Variants in PCDHA6 observed in about 807,000 individuals in gnomAD.
PCDHA6 encodes the protein protocadherin alpha-6.
PCDHA6 carries 55 observed loss-of-function variants against 60.3 expected under a neutral mutation model. That is an observed-to-expected ratio of 0.91 (90% CI 0.73 to 1.14). The LOEUF (loss-of-function observed/expected upper bound fraction) is 1.14. Among genes scored for constraint, PCDHA6 ranks in the 50% most tolerant of loss-of-function variants. The pLI, the probability that PCDHA6 is intolerant of heterozygous loss-of-function variation, is 0.00. For missense variants in PCDHA6, 1,327 were observed against 1,256.5 expected (o/e 1.06, Z -0.85); for synonymous variants, 652 against 557.9 (o/e 1.17, Z -2.38).
At chr5:140,834,764 C>T (rs2150225831) in intron 1 of PCDHA6, 2 of 1,614,098 alleles carry the variant, frequency 1.2e-6, no homozygotes, top group East Asian at 2.2e-5. Flanking sequence ...AGGACATTAA[C>T]GACAACCCTC....
intron 1 of PCDHA6, among the ~76,000 whole-genome samples, chr5:140,872,046 C>T (rs1554166008): frequency 6.6e-6 from 1 of 152,230 alleles, no homozygotes; most frequent in Non-Finnish European, 1.5e-5. Context: ...AGAATTCTCC[C>T]ACTTCAGCCT....
intron 1 of PCDHA6, chr5:140,850,272 A>C: frequency 6.3e-7 from 1 of 1,594,726 alleles, no homozygotes; most frequent in Non-Finnish European, 8.6e-7. Context: ...AGTGGTGGGG[A>C]AGGTGCGCGC....
chr5:140,907,114 G>A (rs1422379312), intron 1 of PCDHA6, among the ~76,000 whole-genome samples: 1 of 152,164 alleles, frequency 6.6e-6, no homozygotes, highest in Non-Finnish European at 1.5e-5. Context: ...TCCACCCCTT[G>A]ATTCCTGGAC....
chr5:140,986,195 A>G (rs1200850544), intron 3 of PCDHA6, among the ~76,000 whole-genome samples: 1 of 152,314 alleles, frequency 6.6e-6, no homozygotes, highest in Non-Finnish European at 1.5e-5. Context: ...TAAATTGGTT[A>G]ATCCTGATTA....
chr5:140,922,275 C>T (rs782815629), intron 1 of PCDHA6, among the ~76,000 whole-genome samples: 1 of 152,052 alleles, frequency 6.6e-6, no homozygotes, highest in Non-Finnish European at 1.5e-5. Context: ...AAGATTGGAC[C>T]AAGATATGAA....
chr5:140,982,943 A>G (rs2097017074), intron 3 of PCDHA6, among the ~76,000 whole-genome samples: 1 of 151,992 alleles, frequency 6.6e-6, no homozygotes, highest in Admixed American at 6.5e-5. Flanking sequence ...CTTTTGGTTG[A>G]AGACTATGGA....
chr5:140,968,124 G>A (rs202202452), intron 1 of PCDHA6: 59 of 1,614,008 alleles, frequency 3.7e-5, no homozygotes, highest in Non-Finnish European at 4.7e-5. Flanking sequence ...ACATCCCTGC[G>A]TACACTGAAG....
intron 1 of PCDHA6, among the ~76,000 whole-genome samples, chr5:140,890,741 A>G (rs1346321522): frequency 2.0e-5 from 3 of 152,132 alleles, no homozygotes; most frequent in African/African-American, 7.2e-5. Flanking sequence ...CTTATATACT[A>G]TTTCTGTCAT....
At chr5:140,870,660 G>A (rs782219391) in intron 1 of PCDHA6, 3 of 1,612,516 alleles carry the variant, frequency 1.9e-6, no homozygotes, top group Non-Finnish European at 2.5e-6. Context: ...TGTACGCGCT[G>A]CAGCCGTTGG....
intron 1 of PCDHA6, chr5:140,871,116 C>G (rs200344692): frequency 6.2e-7 from 1 of 1,613,264 alleles, no homozygotes; most frequent in East Asian, 2.2e-5. Flanking sequence ...TGGTGGAGAG[C>G]GGACAGGCGC....
chr5:140,841,809 G>T, intron 1 of PCDHA6: 1 of 1,613,904 alleles, frequency 6.2e-7, no homozygotes. Context: ...GCAGATGTTG[G>T]AGCTAACTCC....
chr5:140,979,434 A>G (rs1490433887), intron 2 of PCDHA6, among the ~76,000 whole-genome samples: 1 of 151,986 alleles, frequency 6.6e-6, no homozygotes, highest in South Asian at 2.1e-4. Context: ...CACATTGGCT[A>G]TTACATCCTA....
intron 1 of PCDHA6, among the ~76,000 whole-genome samples, chr5:140,844,861 A>G (rs1302890779): frequency 2.7e-5 from 4 of 149,288 alleles, no homozygotes; most frequent in African/African-American, 4.9e-5. Flanking sequence ...ACCTGCCTGG[A>G]TATTAAATAC....
Position 140,860,053 on chromosome 5 carries a change from C to T in PCDHA6, c.2394+29568C>T, listed in dbSNP as rs186329592. The T allele has an allele frequency of 6.0e-5, 9 of 150,766 alleles. No individual in the cohort carries two copies. In the East Asian group the frequency reaches 1.6e-3, roughly 26 times the overall value. 9.3% of individuals were successfully genotyped at this position (150,766 alleles called of 1,614,324 possible). A position where few individuals can be genotyped will look rare whatever the true frequency, so the allele number is the denominator to read the frequency against. ...CCTGTAATCCCAGCATTTTGAGAGGCCAAGGTGGGAGGATGGTTTGAGGCC... is the reference window on the plus strand; with the variant it reads ...CCTGTAATCCCAGCATTTTGAGAGGTCAAGGTGGGAGGATGGTTTGAGGCC... On this transcript the variant is annotated intron_variant, in intron 1 of 3. Transcript: ENST00000529310.
intron 1 of PCDHA6, among the ~76,000 whole-genome samples, chr5:140,940,877 T>G (rs2092697297): frequency 2.0e-5 from 3 of 152,378 alleles, no homozygotes; most frequent in East Asian, 3.9e-4. Flanking sequence ...GAGTGAATAC[T>G]ACTGCTAGTA....
intron 1 of PCDHA6, chr5:140,883,969 G>T (rs1398092888): frequency 5.6e-6 from 9 of 1,612,844 alleles, no homozygotes; most frequent in Non-Finnish European, 7.6e-6. Flanking sequence ...CGCTGCTGAC[G>T]CCCGGGGCTG....
intron 1 of PCDHA6, among the ~76,000 whole-genome samples, chr5:140,947,275 T>C (rs246050): frequency 1.3e-5 from 2 of 151,244 alleles, no homozygotes; most frequent in Non-Finnish European, 3.0e-5. Flanking sequence ...GAAAATACTT[T>C]TTCTTTTTAT....
intron 1 of PCDHA6, chr5:140,967,767 A>G (rs782195052): frequency 1.2e-6 from 2 of 1,614,216 alleles, no homozygotes; most frequent in East Asian, 2.2e-5. Context: ...TACCAGATCT[A>G]TGTGCAGGCG....
intron 2 of PCDHA6, among the ~76,000 whole-genome samples, chr5:140,982,082 C>G (rs188673632): frequency 6.6e-6 from 1 of 152,276 alleles, no homozygotes; most frequent in Admixed American, 6.5e-5. Flanking sequence ...AGTAGAGAAC[C>G]TAGGAACAAG....
Sources: gnomAD v4.1 joint callset for allele counts (sites outside exome capture counted in the v4.1 genomes callset) on GRCh38, gnomAD v4.1.1 for gene constraint, MANE v1.5 for transcripts, NCBI Gene and HGNC (gene_info 2026-07-23, HGNC 2026-07-21) for gene names.